Variants in TET2 observed in about 807,000 individuals in gnomAD.
TET2 encodes the protein methylcytosine dioxygenase TET2.
In TET2, 299 loss-of-function variants were observed where a neutral mutation model predicts 142.9. The observed-to-expected ratio is 2.09, with a 90% CI of 1.90 to 2.30. TET2 has a LOEUF of 2.30. Among genes scored for constraint, TET2 ranks in the 30% most tolerant of loss-of-function variants. The probability of loss-of-function intolerance (pLI) is 0.00; values close to 1 mark genes in which losing one functional copy is unlikely to be tolerated. For missense variants in TET2, 2,418 were observed against 2,378.0 expected (o/e 1.02, Z -0.35); for synonymous variants, 819 against 849.0 (o/e 0.96, Z 0.61).
chr4:105,225,528 C>G (rs148045234), intron 2 of TET2, among the ~76,000 whole-genome samples: 1 of 152,098 alleles, frequency 6.6e-6, no homozygotes, highest in Non-Finnish European at 1.5e-5. Context: ...TCTCATACTA[C>G]GGCAAGAAGA....
chr4:105,184,720 GGTGTGTGT>G (rs34103341), intron 1 of TET2, among the ~76,000 whole-genome samples: 2 of 150,678 alleles, frequency 1.3e-5, no homozygotes, highest in African/African-American at 4.9e-5. Context: ...CTTGCAGAGA[GGTGTGTGT>G]GTGTGTGTGT....
chr4:105,276,835 T>TGGGGGGGGGGGGGGGGGGGGGGGGGGG lies in TET2; in HGVS notation c.*317_*318insGGGGGGGGGGGGGGGGGGGGGGGGGGG. On this transcript the variant is annotated 3_prime_UTR_variant, in exon 11 of 11. Transcript: ENST00000380013. Reference sequence around the variant, plus strand: ...TATTGGACGAGATGATATGTAAATGTGATCCCCCCCCCCCGCTTACAACTC... The same window carrying TGGGGGGGGGGGGGGGGGGGGGGGGGGG: ...TATTGGACGAGATGATATGTAAATGTGGGGGGGGGGGGGGGGGGGGGGGGGGGGATCCCCCCCCCCCGCTTACAACTC... 1 of 228,246 alleles carries TGGGGGGGGGGGGGGGGGGGGGGGGGGG rather than the reference T, an allele frequency of 4.4e-6. No individual in the cohort carries two copies. Among genetic ancestry groups the TGGGGGGGGGGGGGGGGGGGGGGGGGGG allele is most frequent in the Non-Finnish European group, 8.0e-6 (1 of 125,252 alleles). 14.1% of individuals were successfully genotyped at this position (228,246 alleles called of 1,614,324 possible).
intron 2 of TET2, among the ~76,000 whole-genome samples, chr4:105,229,525 G>A (rs976138754): frequency 4.0e-5 from 6 of 151,874 alleles, no homozygotes; most frequent in African/African-American, 1.5e-4. Flanking sequence ...TGGCCAAGAT[G>A]GTCTCGATCT....
At chr4:105,189,700 G>A (rs919799729) in intron 1 of TET2, among the ~76,000 whole-genome samples, 1 of 152,066 alleles carries the variant, frequency 6.6e-6, no homozygotes, top group Non-Finnish European at 1.5e-5. Flanking sequence ...TCTTACTTGG[G>A]TTATGTTTTT....
intron 1 of TET2, among the ~76,000 whole-genome samples, chr4:105,174,328 T>G (rs1459307800): frequency 2.0e-5 from 3 of 152,178 alleles, no homozygotes; most frequent in African/African-American, 7.2e-5. Flanking sequence ...TTCCTAAGAT[T>G]TATTTGGAAT....
rs982791029 is a variant in TET2 at position 105,276,427 on chromosome 4, G to A, written c.5917G>A (p.Glu1973Lys). 2.4e-5 allele frequency: 37 copies of A among 1,551,754 alleles called. No homozygotes were observed. Among genetic ancestry groups the A allele is most frequent in the Admixed American group, 5.9e-5 (3 of 50,976 alleles). Residue 1973 changes from glutamate to lysine, a missense_variant, in exon 11 of 11, where the codon GAA becomes AAA. Glu to Lys is a moderately conservative substitution (Grantham distance 56, BLOSUM62 1). Transcript: ENST00000380013. ...CCTGCGTTTCATCAAGTCTCTTGCC[G>A]AAAGGACCATGTCCGTGACCACAGA... ...TYLRFIKSLA[E>K]RTMSVTTDST...
At chr4:105,231,992 A>AG (rs1728535458) in intron 2 of TET2, among the ~76,000 whole-genome samples, 1 of 152,182 alleles carries the variant, frequency 6.6e-6, no homozygotes, top group Non-Finnish European at 1.5e-5. Flanking sequence ...TAATAAGCGT[A>AG]GTACTTAATA....
intron 2 of TET2, among the ~76,000 whole-genome samples, chr4:105,200,495 G>T (rs1020428267): frequency 6.6e-6 from 1 of 152,082 alleles, no homozygotes; most frequent in Admixed American, 6.6e-5. Context: ...TCTGTAGGTT[G>T]TCTGTTTTCT....
intron 1 of TET2, among the ~76,000 whole-genome samples, chr4:105,167,956 A>G (rs548296267): frequency 2.0e-5 from 3 of 152,306 alleles, no homozygotes; most frequent in African/African-American, 7.2e-5. Context: ...GGAATAACTG[A>G]TCCTCCAACA....
At chr4:105,163,997 C>A (rs1229318688) in intron 1 of TET2, among the ~76,000 whole-genome samples, 1 of 152,064 alleles carries the variant, frequency 6.6e-6, no homozygotes, top group Non-Finnish European at 1.5e-5. Context: ...TTATTACTAT[C>A]AGGCTAATTC....
Position 105,241,187 on chromosome 4 carries a change from C to G in TET2, c.3410-152C>G, listed in dbSNP as rs186800968. 9 of 1,287,166 alleles carry G rather than the reference C, an allele frequency of 7.0e-6. No homozygotes were observed. The East Asian group carries it at 1.7e-4, about 24-fold the overall frequency. 79.7% of individuals were successfully genotyped at this position (1,287,166 alleles called of 1,614,324 possible). On this transcript the variant is annotated intron_variant, in intron 3 of 10. Transcript: ENST00000380013. ...TTATGTGGCACATTTTCTAATAGAT[C>G]AGTCCATCAATCTACTCATTTTAAA...
chr4:105,160,135 C>A (rs568064838), intron 1 of TET2, among the ~76,000 whole-genome samples: 1 of 152,244 alleles, frequency 6.6e-6, no homozygotes, highest in East Asian at 1.9e-4. Flanking sequence ...CTTAGTATAC[C>A]ATTATACCTG....
chr4:105,240,081 G>T (rs1211820892), intron 3 of TET2: 1 of 234,834 alleles, frequency 4.3e-6, no homozygotes, highest in Non-Finnish European at 9.1e-6. Flanking sequence ...CCAAAAATTA[G>T]AATAGTAACA....
chr4:105,236,413 A>AATCAAGTGCATGC lies in TET2; in HGVS notation c.2473_2485dup (p.Lys829IlefsTer21), dbSNP rs760899224. The AATCAAGTGCATGC allele has an allele frequency of 6.2e-7, 1 of 1,614,098 alleles. No homozygotes were observed. The highest frequency in any genetic ancestry group is 8.5e-7 in the Non-Finnish European group (1 of 1,180,012). On this transcript the variant is annotated frameshift_variant, in exon 3 of 11. Transcript: ENST00000380013. LOFTEE classifies it high-confidence loss of function. Reference sequence around the variant, plus strand: ...AATTCCCCTTATAGTCAGACCATGAAATCAAGTGCATGCAAAATACAGGTT... The same window carrying AATCAAGTGCATGC: ...AATTCCCCTTATAGTCAGACCATGAAATCAAGTGCATGCATCAAGTGCATGCAAAATACAGGTT...
intron 1 of TET2, among the ~76,000 whole-genome samples, chr4:105,160,086 C>A (rs1262703734): frequency 6.6e-6 from 1 of 152,144 alleles, no homozygotes; most frequent in Non-Finnish European, 1.5e-5. Context: ...AACGGTCTGA[C>A]CAGAAAACAC....
At chr4:105,222,809 G>A (rs148550983) in intron 2 of TET2, among the ~76,000 whole-genome samples, 6,243 of 151,714 alleles carry the variant, frequency 0.041, 442 homozygotes, top group African/African-American at 0.14. Flanking sequence ...GTCGTGAATG[G>A]TGTTGCCTAG....
At chr4:105,191,329 A>G (rs969737481) in intron 2 of TET2, among the ~76,000 whole-genome samples, 1 of 152,194 alleles carries the variant, frequency 6.6e-6, no homozygotes, top group East Asian at 1.9e-4. Context: ...TTGTCAGACC[A>G]TTTTCTCATA....
chr4:105,237,546 T>G, intron 3 of TET2, 195 bp downstream of exon 3: 1 of 1,543,632 alleles, frequency 6.5e-7, no homozygotes, highest in Non-Finnish European at 8.7e-7. Flanking sequence ...TTCACTTACA[T>G]GCAGTTTTTC....
Position 105,234,899 on chromosome 4 carries a change from AG to A in TET2, c.958del (p.Glu320AsnfsTer27). 6.2e-7 allele frequency: 1 copy of A among 1,614,156 alleles called. No individual in the cohort carries two copies. The highest frequency in any genetic ancestry group is 8.5e-7 in the Non-Finnish European group (1 of 1,180,018). On this transcript the variant is annotated frameshift_variant, in exon 3 of 11. Coordinates refer to ENST00000380013, the MANE Select transcript of TET2 (RefSeq NM_001127208.3). LOFTEE classifies it high-confidence loss of function. Reference sequence around the variant, plus strand: ...TAAATACCTGTTCCTTTCAGAAACCAGAACAACTACAACAACAAAAATCAGT... The same window carrying A: ...TAAATACCTGTTCCTTTCAGAAACCAAACAACTACAACAACAAAAATCAGT... ...MLNTCSFQKP[E>X]QLQQQKSVFE...
Sources: gnomAD v4.1 joint callset for allele counts (sites outside exome capture counted in the v4.1 genomes callset) on GRCh38, gnomAD v4.1.1 for gene constraint, MANE v1.5 for transcripts, NCBI Gene and HGNC (gene_info 2026-07-23, HGNC 2026-07-21) for gene names.